The following SETDB1 variants were observed in gnomAD, a reference collection of about 807,000 sequenced individuals.
The protein encoded by SETDB1 is SET domain bifurcated histone lysine methyltransferase 1, also known as histone-lysine N-methyltransferase SETDB1.
SETDB1 carries 31 observed loss-of-function variants against 137.4 expected under a neutral mutation model. The observed-to-expected ratio is 0.23, with a 90% CI of 0.17 to 0.30. The LOEUF (loss-of-function observed/expected upper bound fraction) is 0.30. Ranked by LOEUF, SETDB1 falls within the 10% of genes least tolerant of loss-of-function variation. The probability of loss-of-function intolerance (pLI) is 1.00; values close to 1 mark genes in which losing one functional copy is unlikely to be tolerated. For synonymous variants in SETDB1, 548 were observed against 579.9 expected, an observed-to-expected ratio of 0.95 and a Z score of 0.79; for missense variants, 1,113 against 1,631.5, an observed-to-expected ratio of 0.68 and a Z score of 5.47.
At chr1:150,939,600 C>T (rs1011981448) in intron 3 of SETDB1, among the ~76,000 whole-genome samples, 1 of 152,124 alleles carries the variant, frequency 6.6e-6, no homozygotes, top group Non-Finnish European at 1.5e-5. Flanking sequence ...GCTGGGATTA[C>T]AGGCATGAGC....
intron 2 of SETDB1, 52 bp from the exon 3 acceptor site, chr1:150,929,915 C>G (rs1257967783): frequency 6.7e-7 from 1 of 1,487,272 alleles, no homozygotes; most frequent in Non-Finnish European, 9.2e-7. Context: ...GATTCTATAT[C>G]TCTTAATTCC....
intron 14 of SETDB1, 42 bp downstream of exon 14, chr1:150,951,523 G>A (rs776084566): frequency 9.7e-7 from 1 of 1,032,090 alleles, no homozygotes; most frequent in African/African-American, 1.6e-5. Flanking sequence ...GAGAGACTGA[G>A]GAGCATGTTC....
chr1:150,955,306 C>G (rs977897835), intron 14 of SETDB1, among the ~76,000 whole-genome samples: 1 of 152,146 alleles, frequency 6.6e-6, no homozygotes, highest in Non-Finnish European at 1.5e-5. Context: ...ATATCACTCC[C>G]CTGCTTAACT....
At chr1:150,957,137 G>A (rs1017300096) in intron 14 of SETDB1, among the ~76,000 whole-genome samples, 3 of 151,764 alleles carry the variant, frequency 2.0e-5, no homozygotes, top group African/African-American at 7.3e-5. Context: ...AAAATGGGAG[G>A]TCGAAGCAGG....
chr1:150,948,022 A>T (rs1670379154), intron 10 of SETDB1, among the ~76,000 whole-genome samples: 1 of 151,824 alleles, frequency 6.6e-6, no homozygotes. Context: ...ACTTGAGGCC[A>T]GGAGTTGGAG....
At chr1:150,954,911 GC>G (rs2102731437) in intron 14 of SETDB1, among the ~76,000 whole-genome samples, 1 of 152,310 alleles carries the variant, frequency 6.6e-6, no homozygotes, top group Admixed American at 6.5e-5. Flanking sequence ...AGGTGACAGT[GC>G]AGTGAAAGAG....
chr1:150,959,318 C>G lies in SETDB1; in HGVS notation c.2474C>G (p.Ala825Gly), dbSNP rs2691551. ...GGTATCCGCTGCTTGGATGACATTGCCAAAGGCTCTTTTGTTTGTATTTAT... is the reference window on the plus strand; with the variant it reads ...GGTATCCGCTGCTTGGATGACATTGGCAAAGGCTCTTTTGTTTGTATTTAT... Reference protein sequence around the residue: ...GWGIRCLDDIAKGSFVCIYAG... With the variant: ...GWGIRCLDDIGKGSFVCIYAG... The change falls in exon 15 of 22, where the codon GCC (alanine) becomes GGC (glycine). Residue 825 changes from alanine (A) to glycine (G), a missense_variant. Physicochemically the swap from Ala to Gly is moderately conservative, Grantham distance 60. Transcript: ENST00000692827. 1.2e-6 allele frequency: 2 copies of G among 1,606,728 alleles called. No homozygotes were observed. Among genetic ancestry groups the G allele is most frequent in the Non-Finnish European group, 1.7e-6 (2 of 1,177,638 alleles).
Position 150,927,881 on chromosome 1 carries a change from A to G in SETDB1, c.167A>G (p.Gln56Arg), listed in dbSNP as rs1472772999. The change falls in exon 2 of 22, where the codon CAA (glutamine) becomes CGA (arginine). Residue 56 changes from glutamine to arginine, a missense_variant. Gln to Arg is a conservative substitution (Grantham distance 43). Around this residue, in one of 11 missense-constraint regions of SETDB1, gnomAD observed 159 missense variants for 188.6 expected, o/e 0.84. Transcript: ENST00000692827. The stretch of plus-strand genomic sequence containing the variant: ...CTGGAGAAGATGGATTGTGTACAGC[A>G]ACGCAAGAAGCAGCTAGCAGAGTTA... The part of the protein sequence containing the change: ...EELEKMDCVQ[Q>R]RKKQLAELET... The G allele has an allele frequency of 6.2e-7, 1 of 1,614,230 alleles. No homozygotes were observed. The highest frequency in any genetic ancestry group is 1.7e-5 in the Admixed American group (1 of 60,020).
chr1:150,949,125 C>T lies in SETDB1; in HGVS notation c.1271C>T (p.Ala424Val). Residue 424 changes from alanine to valine, a missense_variant, in exon 11 of 22, where the codon GCT becomes GTT. This residue lies in a region of SETDB1 where 154 missense variants were observed against 303.1 expected (regional missense o/e 0.51). Coordinates refer to ENST00000692827, the MANE Select transcript of SETDB1 (RefSeq NM_001366418.1). ...CTCAATTTCCTTTTTCCTATAGGTG[C>T]TGTGAGGAGCAAAGGCCCTGTTGTC... ...GQLRTRPNMG[A>V]VRSKGPVVQY... The T allele has an allele frequency of 6.2e-7, 1 of 1,613,474 alleles. No homozygotes were observed. The highest frequency in any genetic ancestry group is 1.1e-5 in the South Asian group (1 of 91,016).
rs374663899 is a variant in SETDB1, at chr1:150,950,414, G to T, written c.1584-44G>T. On this transcript the variant is annotated intron_variant, in intron 12 of 21. Transcript: ENST00000692827. ...CCTGGAGGGTTAATTATAAAACAGA[G>T]GTCCTGTTGCCTTCCGATCTGATCA... is the stretch of plus-strand genomic sequence containing the variant. The T allele has an allele frequency of 3.7e-5, 56 of 1,502,394 alleles. No individual in the cohort carries two copies. In the East Asian group the frequency reaches 6.4e-4, roughly 17 times the overall value. The allele number at this position is 1,502,394 out of a possible 1,614,324, so 93.1% of individuals were successfully genotyped here.
Position 150,950,520 on chromosome 1 carries a change from C to A in SETDB1, c.1646C>A (p.Pro549His), listed in dbSNP as rs766211256. ...APSALPAPPA[P>H]PVFHGMLERA... ...TCAGCACTCCCGGCCCCTCCAGCACCCCCAGTCTTCCATGGCATGCTGGAG... is the reference window on the plus strand; with the variant it reads ...TCAGCACTCCCGGCCCCTCCAGCACACCCAGTCTTCCATGGCATGCTGGAG... The change falls in exon 13 of 22, where the codon CCC (proline) becomes CAC (histidine). Residue 549 changes from proline to histidine, a missense_variant. By Grantham distance (77) the Pro-to-His change is moderately conservative. Transcript: ENST00000692827. 3 of 1,613,870 alleles carry A rather than the reference C, an allele frequency of 1.9e-6. No individual in the cohort carries two copies. In the South Asian group the frequency reaches 3.3e-5, roughly 18 times the overall value.
Position 150,963,981 on chromosome 1 carries a change from C to A in SETDB1, c.3673-14C>A, listed in dbSNP as rs759260151. On this transcript the variant is annotated splice_polypyrimidine_tract_variant and intron_variant, in intron 20 of 21. Coordinates refer to ENST00000692827, the MANE Select transcript of SETDB1 (RefSeq NM_001366418.1). The stretch of plus-strand genomic sequence containing the variant: ...TTCCCTGGTTCTTATTTGATCCTGT[C>A]CTTAAACCTACAGCACAGTTGCAGC... The A allele has an allele frequency of 2.5e-6, 4 of 1,611,904 alleles. No individual in the cohort carries two copies. The highest frequency in any genetic ancestry group is 3.4e-6 in the Non-Finnish European group (4 of 1,178,100).
At position 150,933,368 on chromosome 1, in the gene SETDB1, C is replaced by CTTTTTTTT. The variant is rs71090112; in HGVS notation, c.412+3260_412+3267dup. Among the ~76,000 whole-genome samples the CTTTTTTTT allele has an allele frequency of 1.2e-3, 148 of 118,852 alleles. 8 individuals carry two copies. Among genetic ancestry groups the CTTTTTTTT allele is most frequent in the African/African-American group, 2.5e-3 (79 of 31,650 alleles). 78.0% of individuals were successfully genotyped at this position (118,852 alleles called of 152,430 possible). A position where few individuals can be genotyped will look rare whatever the true frequency, so the allele number is the denominator to read the frequency against. On this transcript the variant is annotated intron_variant, in intron 3 of 21. Transcript: ENST00000692827. ...AGCTACCATGCCTGGCCTATTTTGT[C>CTTTTTTTT]TTTTTTTTTTTTTTTTTGAGACAGT...
At position 150,962,823 on chromosome 1, in the gene SETDB1, T is replaced by C; in HGVS notation, c.3294+104T>C. ...TACTGTTAGGTCTTCTCCTACTTCT[T>C]TAGCCTTGACTTCCTGCCTTATTTT... is the stretch of plus-strand genomic sequence containing the variant. On this transcript the variant is annotated intron_variant, in intron 18 of 21. Transcript: ENST00000692827. The C allele has an allele frequency of 2.0e-6, 3 of 1,472,310 alleles. No homozygotes were observed. In the East Asian group the frequency reaches 6.9e-5, roughly 34 times the overall value. The allele number at this position is 1,472,310 out of a possible 1,614,324, so 91.2% of individuals were successfully genotyped here.
chr1:150,940,519 G>T (rs1405475474), intron 4 of SETDB1, among the ~76,000 whole-genome samples: 2 of 149,782 alleles, frequency 1.3e-5, no homozygotes, highest in African/African-American at 4.9e-5. Flanking sequence ...AATGAGCTGA[G>T]ATCGCACCAC....
At chr1:150,936,505 G>T (rs587674424) in intron 3 of SETDB1, among the ~76,000 whole-genome samples, 1 of 152,248 alleles carries the variant, frequency 6.6e-6, no homozygotes, top group East Asian at 1.9e-4. Flanking sequence ...TCCATTGTAT[G>T]AATATGCCAC....
chr1:150,952,713 C>T (rs887844129), intron 14 of SETDB1, among the ~76,000 whole-genome samples: 1 of 151,408 alleles, frequency 6.6e-6, no homozygotes, highest in East Asian at 1.9e-4. Flanking sequence ...AATCCCGTCT[C>T]TACTAAAAAT....
intron 20 of SETDB1, 67 bp downstream of exon 20, chr1:150,963,808 C>A: frequency 3.4e-6 from 5 of 1,471,588 alleles, no homozygotes; most frequent in Non-Finnish European, 4.8e-6. Context: ...TTTTAACATA[C>A]TCTATAAGCC....
At position 150,930,045 on chromosome 1, in the gene SETDB1, G is replaced by A; in HGVS notation, c.339G>A (p.Glu113=). The change falls in exon 3 of 22, where the codon GAG becomes GAA. Residue 113 remains glutamate, a synonymous_variant. Coordinates refer to ENST00000692827, the MANE Select transcript of SETDB1 (RefSeq NM_001366418.1). ...TACAATACCGGGACAGTAGCTCTGA[G>A]GACGAATCTTCCCGGCCTACAGAAA... The part of the protein sequence containing the change: ...LGLQYRDSSS[E]DESSRPTEII... 6.2e-7 allele frequency: 1 copy of A among 1,613,930 alleles called. No individual in the cohort carries two copies. Among genetic ancestry groups the A allele is most frequent in the Non-Finnish European group, 8.5e-7 (1 of 1,179,844 alleles).
Sources: gnomAD v4.1 joint callset for allele counts (sites outside exome capture counted in the v4.1 genomes callset) on GRCh38, gnomAD v4.1.1 for gene constraint, gnomAD v4.1.1 regional missense constraint, MANE v1.5 for transcripts, NCBI Gene and HGNC (gene_info 2026-07-23, HGNC 2026-07-21) for gene names.